Variants in CLNK observed in about 807,000 individuals in gnomAD.
CLNK encodes the protein cytokine dependent hematopoietic cell linker, also known as cytokine-dependent hematopoietic cell linker.
A neutral mutation model predicts 68.6 loss-of-function variants in CLNK; 74 were observed. The observed-to-expected ratio is 1.08, with a 90% CI of 0.89 to 1.31. The LOEUF (loss-of-function observed/expected upper bound fraction) is 1.31. Ranked by LOEUF, CLNK falls within the 50% of genes most tolerant of loss-of-function variation. The pLI is 0.00. For synonymous variants in CLNK, 198 were observed against 172.2 expected, an observed-to-expected ratio of 1.15 and a Z score of -1.17; for missense variants, 553 against 515.3, an observed-to-expected ratio of 1.07 and a Z score of -0.71.
At chr4:10,679,727 A>T (rs892893898) in intron 1 of CLNK, among the ~76,000 whole-genome samples, 1,632 of 152,332 alleles carry the variant, frequency 0.011, 29 homozygotes, top group African/African-American at 0.036. Flanking sequence ...GACACTTCTC[A>T]AAAGAAGACA....
In CLNK at chr4:10,566,021, A is replaced by T. The variant is rs368088330; in HGVS notation, c.280T>A (p.Ser94Thr). 1 of 1,613,764 alleles carries T rather than the reference A, an allele frequency of 6.2e-7. No individual in the cohort carries two copies. The highest frequency in any genetic ancestry group is 1.1e-5 in the South Asian group (1 of 91,070). The change falls in exon 6 of 19, where the codon TCT becomes ACT. Residue 94 changes from serine (S) to threonine (T), a missense_variant. Physicochemically the swap from Ser to Thr is moderately conservative, Grantham distance 58. Transcript: ENST00000226951. The part of the protein sequence containing the change: ...KILPARPIKE[S>T]EYADTHYFKV... ...CCCCAAACGTTACCTGCATATTCAG[A>T]TTCCTTTATAGGCCGGGCTGGTAAA... is the stretch of plus-strand genomic sequence containing the variant.
intron 2 of CLNK, among the ~76,000 whole-genome samples, chr4:10,665,229 AGTT>A (rs1724343647): frequency 6.6e-6 from 1 of 152,210 alleles, no homozygotes; most frequent in Non-Finnish European, 1.5e-5. Flanking sequence ...GAAATCACAA[AGTT>A]TCCCTTTGGA....
intron 1 of CLNK, among the ~76,000 whole-genome samples, chr4:10,675,150 G>A (rs1166953834): frequency 3.0e-4 from 45 of 152,144 alleles, no homozygotes; most frequent in Admixed American, 2.9e-3. Context: ...CTTAAAGCAT[G>A]AAATAAAAGA....
chr4:10,638,551 C>G (rs992465480), intron 2 of CLNK, among the ~76,000 whole-genome samples: 22 of 152,240 alleles, frequency 1.4e-4, no homozygotes, highest in African/African-American at 5.3e-4. Flanking sequence ...ATGTGTGTGA[C>G]AGTGGTATAT....
At chr4:10,700,349 A>G in the CLNK span, among the ~76,000 whole-genome samples, 1 of 152,188 alleles carries the variant, frequency 6.6e-6, no homozygotes, top group South Asian at 2.1e-4. Context: ...AGGAACGTGA[A>G]CCTTGGAATC....
At position 10,679,562 on chromosome 4, in the gene CLNK, A is replaced by T. The variant is rs542790941; in HGVS notation, c.-43+5106T>A. Among the ~76,000 whole-genome samples, 4 of 152,338 alleles carry T rather than the reference A, an allele frequency of 2.6e-5. No individual in the cohort carries two copies. The East Asian group carries it at 7.7e-4, about 29-fold the overall frequency. On this transcript the variant is annotated intron_variant, in intron 1 of 18. Coordinates refer to ENST00000226951, the MANE Select transcript of CLNK (RefSeq NM_052964.4). ...CTCCTGCACTGCAAAAGAAACTACC[A>T]TCAGAGTGAACAGGCAACCTACAGA...
intron 1 of CLNK, among the ~76,000 whole-genome samples, chr4:10,681,490 T>C (rs577469351): frequency 2.0e-5 from 3 of 152,346 alleles, no homozygotes; most frequent in African/African-American, 4.8e-5. Context: ...TATTAAATTT[T>C]CATGTTGTAT....
chr4:10,610,040 T>G (rs1275321451), intron 2 of CLNK, among the ~76,000 whole-genome samples: 153 of 1,904 alleles, frequency 0.08, no homozygotes, highest in Non-Finnish European at 0.35. Context: ...CTCGTTTTTT[T>G]TTTTTTTTTT....
At chr4:10,705,721 CA>C in the CLNK span, among the ~76,000 whole-genome samples, 1 of 152,220 alleles carries the variant, frequency 6.6e-6, no homozygotes, top group African/African-American at 2.4e-5. Context: ...AGTTGATTAG[CA>C]CCCTGAAATC....
At chr4:10,725,220 G>A in the CLNK span, among the ~76,000 whole-genome samples, 1 of 100,600 alleles carries the variant, frequency 9.9e-6, no homozygotes, top group Non-Finnish European at 2.2e-5. Context: ...AAGGTCACTC[G>A]ATTTAATGCC....
intron 1 of CLNK, among the ~76,000 whole-genome samples, chr4:10,677,500 C>G (rs1724919823): frequency 6.6e-6 from 1 of 152,110 alleles, no homozygotes. Context: ...CTGTCCCCAC[C>G]TAAATCTCAT....
chr4:10,633,875 G>C (rs1722983124), intron 2 of CLNK, among the ~76,000 whole-genome samples: 1 of 152,178 alleles, frequency 6.6e-6, no homozygotes, highest in African/African-American at 2.4e-5. Context: ...TACTGGAAAA[G>C]GCTAAACAAT....
intron 3 of CLNK, among the ~76,000 whole-genome samples, chr4:10,593,615 C>T (rs1375928329): frequency 6.6e-6 from 1 of 152,188 alleles, no homozygotes; most frequent in Admixed American, 6.5e-5. Flanking sequence ...GATAGCACCA[C>T]TGCACTCCAC....
intron 15 of CLNK, chr4:10,517,594 G>A (rs938531122): frequency 2.6e-5 from 4 of 152,130 alleles, no homozygotes; most frequent in African/African-American, 7.2e-5. Context: ...AACTTTCAAC[G>A]TCGATTGAAG....
intron 2 of CLNK, among the ~76,000 whole-genome samples, chr4:10,599,298 C>T (rs1018110331): frequency 6.6e-6 from 1 of 152,172 alleles, no homozygotes; most frequent in African/African-American, 2.4e-5. Context: ...TTGAGGCTCT[C>T]TCTTCATCTG....
intron 2 of CLNK, among the ~76,000 whole-genome samples, chr4:10,664,740 G>A (rs1021142735): frequency 8.5e-5 from 13 of 152,200 alleles, no homozygotes; most frequent in Non-Finnish European, 8.8e-5. Context: ...TGTGCAGCCT[G>A]CCCTTAGATC....
intron 4 of CLNK, among the ~76,000 whole-genome samples, chr4:10,581,358 CAT>C (rs1720772106): frequency 6.6e-6 from 1 of 151,964 alleles, no homozygotes; most frequent in Non-Finnish European, 1.5e-5. Flanking sequence ...CACACACACA[CAT>C]ATAAAGAGAG....
intron 8 of CLNK, among the ~76,000 whole-genome samples, chr4:10,553,078 T>C (rs1260864747): frequency 6.6e-6 from 1 of 151,996 alleles, no homozygotes; most frequent in Non-Finnish European, 1.5e-5. Flanking sequence ...GGCGGAAGCA[T>C]TTACGTTCAC....
intron 17 of CLNK, among the ~76,000 whole-genome samples, chr4:10,503,259 G>C (rs1404600589): frequency 2.0e-5 from 3 of 151,940 alleles, no homozygotes; most frequent in Non-Finnish European, 4.4e-5. Context: ...TCAGGAGTTC[G>C]AGACTTAGCC....
Sources: allele counts gnomAD v4.1 joint callset (sites outside exome capture counted in the v4.1 genomes callset), GRCh38; gene constraint gnomAD v4.1.1; transcripts MANE v1.5; gene names NCBI Gene and HGNC (gene_info 2026-07-23, HGNC 2026-07-21).